Variants in PEX13 observed in about 807,000 individuals in gnomAD.
PEX13 encodes the protein peroxisomal biogenesis factor 13.
In PEX13, 28 loss-of-function variants were observed where a neutral mutation model predicts 34.5. That is an observed-to-expected ratio of 0.81 (90% CI 0.60 to 1.11). The LOEUF is 1.11. Among genes scored for constraint, PEX13 ranks in the 50% most tolerant of loss-of-function variants. PEX13 has a pLI of 0.00. For missense variants in PEX13, 550 were observed against 491.0 expected (o/e 1.12, Z -1.13); for synonymous variants, 177 against 175.1 (o/e 1.01, Z -0.09).
intron 1 of PEX13, among the ~76,000 whole-genome samples, chr2:61,028,994 G>GCAACAGGGTCC (rs1680404894): frequency 6.6e-6 from 1 of 152,054 alleles, no homozygotes; most frequent in Non-Finnish European, 1.5e-5. Context: ...ACCAGCCTGG[G>GCAACAGGGTCC]CAACAAAGTG....
At chr2:61,025,195 C>T (rs139189138) in intron 1 of PEX13, among the ~76,000 whole-genome samples, 117 of 150,630 alleles carry the variant, frequency 7.8e-4, no homozygotes, top group South Asian at 1.1e-3. Context: ...GAGCCTCCCC[C>T]GTAGCTGGGA....
At position 61,021,558 on chromosome 2, in the gene PEX13, T is replaced by G. The variant is rs1680264207; in HGVS notation, c.92+3707T>G. On this transcript the variant is annotated intron_variant, in intron 1 of 3. Coordinates refer to ENST00000295030, the MANE Select transcript of PEX13 (RefSeq NM_002618.4). The stretch of plus-strand genomic sequence containing the variant: ...GAGCCCACTGCAGCTCAGCAAGGCC[T>G]ACTGCCTCCATAGACTTCAGCTCTG... 3.3e-5 allele frequency among the ~76,000 whole-genome samples: 5 copies of G among 152,326 alleles called. No homozygotes were observed. In the South Asian group the frequency reaches 1.0e-3, roughly 32 times the overall value.
At chr2:61,022,415 G>GA (rs892402195) in intron 1 of PEX13, among the ~76,000 whole-genome samples, 11 of 152,186 alleles carry the variant, frequency 7.2e-5, no homozygotes, top group African/African-American at 2.6e-4. Context: ...CAATCAAGTG[G>GA]AAAAAAGGAT....
intron 2 of PEX13, 70 bp from the exon 3 acceptor site, chr2:61,045,656 C>T: frequency 7.1e-7 from 1 of 1,401,872 alleles, no homozygotes; most frequent in Non-Finnish European, 1.0e-6. Context: ...AGTTTGCAAG[C>T]CATAGCCAGT....
intron 2 of PEX13, among the ~76,000 whole-genome samples, chr2:61,043,332 T>TAAAAAAAAA (rs36040457): frequency 2.7e-5 from 2 of 73,720 alleles, no homozygotes; most frequent in Non-Finnish European, 2.5e-5. Flanking sequence ...CTGTCTCTAC[T>TAAAAAAAAA]AAAAAAAAAA....
chr2:61,018,993 C>T (rs1680185406), intron 1 of PEX13: 1 of 152,262 alleles, frequency 6.6e-6, no homozygotes, highest in South Asian at 2.1e-4. Flanking sequence ...TATATATTCA[C>T]TACTCAACTT....
chr2:61,023,402 G>GAT (rs146937307), intron 1 of PEX13, among the ~76,000 whole-genome samples: 1 of 146,688 alleles, frequency 6.8e-6, no homozygotes, highest in Non-Finnish European at 1.5e-5. Flanking sequence ...GGAATATACA[G>GAT]ACACACACAC....
intron 1 of PEX13, chr2:61,018,105 T>C: frequency 6.5e-7 from 1 of 1,545,838 alleles, no homozygotes; most frequent in Non-Finnish European, 8.7e-7. Context: ...TGGGTCTCTG[T>C]GCTTGAAAGA....
chr2:61,032,575 G>A (rs1680470313), intron 2 of PEX13, among the ~76,000 whole-genome samples: 1 of 152,114 alleles, frequency 6.6e-6, no homozygotes, highest in South Asian at 2.1e-4. Flanking sequence ...AAAGAGATAG[G>A]AATTATCCTC....
chr2:61,021,701 G>C (rs1022045187), intron 1 of PEX13, among the ~76,000 whole-genome samples: 7 of 152,196 alleles, frequency 4.6e-5, no homozygotes, highest in Non-Finnish European at 7.3e-5. Context: ...CTCTGAGAAC[G>C]GACAGACGGC....
At chr2:61,034,367 G>A (rs748182963) in intron 2 of PEX13, among the ~76,000 whole-genome samples, 5 of 152,166 alleles carry the variant, frequency 3.3e-5, no homozygotes, top group Admixed American at 6.5e-5. Flanking sequence ...GAACAGCTCC[G>A]GTCTGCAGCT....
At chr2:61,047,718 G>A (rs1680726338) in intron 3 of PEX13, among the ~76,000 whole-genome samples, 1 of 152,108 alleles carries the variant, frequency 6.6e-6, no homozygotes, top group South Asian at 2.1e-4. Flanking sequence ...AACAAAATCG[G>A]TCGTAGACAT....
At chr2:61,026,472 C>T (rs541803954) in intron 1 of PEX13, among the ~76,000 whole-genome samples, 2 of 151,740 alleles carry the variant, frequency 1.3e-5, no homozygotes, top group Non-Finnish European at 2.9e-5. Flanking sequence ...CTCAGCCACC[C>T]GAGGAGCTGA....
chr2:61,031,543 C>A lies in PEX13; in HGVS notation c.217C>A (p.Pro73Thr). 1 of 1,614,100 alleles carries A rather than the reference C, an allele frequency of 6.2e-7. No individual in the cohort carries two copies. The highest frequency in any genetic ancestry group is 8.5e-7 in the Non-Finnish European group (1 of 1,179,978). ...AAGTAGCAGTGTGAACACTTTTAGA[C>A]CTGCTTACAGTTCATTTTCTTCTGG... ...TGSSSVNTFR[P>T]AYSSFSSGYG... The change falls in exon 2 of 4, where the codon CCT becomes ACT. Residue 73 changes from proline (P) to threonine (T), a missense_variant. Transcript: ENST00000295030.
At position 61,050,651 on chromosome 2, in the gene PEX13, A is replaced by T. The variant is rs560282307; in HGVS notation, c.*1881A>T. 6.6e-6 allele frequency: 1 copy of T among 152,170 alleles called. No homozygotes were observed. The highest frequency in any genetic ancestry group is 2.4e-5 in the African/African-American group (1 of 41,510). 9.4% of individuals were successfully genotyped at this position (152,170 alleles called of 1,614,324 possible). A position where few individuals can be genotyped will look rare whatever the true frequency, so the allele number is the denominator to read the frequency against. On this transcript the variant is annotated 3_prime_UTR_variant, in exon 4 of 4. Coordinates refer to ENST00000295030, the MANE Select transcript of PEX13 (RefSeq NM_002618.4). ...TTGTCTTTTTTTGAAACGGAGTCTCACTCTGTCGCCCAGGCTGGAGTCCAG... is the reference window on the plus strand; with the variant it reads ...TTGTCTTTTTTTGAAACGGAGTCTCTCTCTGTCGCCCAGGCTGGAGTCCAG...
rs371789976 is a variant in PEX13 at position 61,048,716 on chromosome 2, G to C, written c.1158G>C (p.Lys386Asn). 7 of 1,613,862 alleles carry C rather than the reference G, an allele frequency of 4.3e-6. 1 individual carries two copies. The highest frequency in any genetic ancestry group is 3.3e-4 in the Middle Eastern group (2 of 6,084). Residue 386 changes from lysine (K) to asparagine (N), a missense_variant, in exon 4 of 4, where the codon AAG (lysine) becomes AAC (asparagine). By Grantham distance (94) the Lys-to-Asn change is moderately conservative. Transcript: ENST00000295030. ...AFESVFVETNKVPVAPDSIGK... is the reference protein window; with the variant it reads ...AFESVFVETNNVPVAPDSIGK... ...AATCTGTTTTTGTTGAAACTAATAA[G>C]GTTCCAGTTGCACCTGATTCCATTG...
At chr2:61,020,288 T>C (rs1433634449) in intron 1 of PEX13, among the ~76,000 whole-genome samples, 1 of 152,334 alleles carries the variant, frequency 6.6e-6, no homozygotes, top group East Asian at 1.9e-4. Context: ...ATATTTTATT[T>C]TTTATTCCTA....
chr2:61,022,177 C>G (rs1195225640), intron 1 of PEX13, among the ~76,000 whole-genome samples: 1 of 152,208 alleles, frequency 6.6e-6, no homozygotes, highest in Non-Finnish European at 1.5e-5. Context: ...CAGAGAATGA[C>G]TTTGACGAGT....
At chr2:61,036,156 T>C (rs1680530936) in intron 2 of PEX13, among the ~76,000 whole-genome samples, 1 of 152,072 alleles carries the variant, frequency 6.6e-6, no homozygotes, top group African/African-American at 2.4e-5. Context: ...CTACGTTTGA[T>C]TGATGTACCG....
Sources: allele counts gnomAD v4.1 joint callset (sites outside exome capture counted in the v4.1 genomes callset), GRCh38; gene constraint gnomAD v4.1.1; transcripts MANE v1.5; gene names NCBI Gene and HGNC (gene_info 2026-07-23, HGNC 2026-07-21).